MCPH1: variants seen among roughly 807,000 people sequenced by gnomAD.
The protein encoded by MCPH1 is microcephalin 1, also known as microcephalin.
In MCPH1, 104 loss-of-function variants were observed where a neutral mutation model predicts 84.5. That is an observed-to-expected ratio of 1.23 (90% CI 1.05 to 1.45). The LOEUF (loss-of-function observed/expected upper bound fraction) is 1.45. Ranked by LOEUF, MCPH1 falls within the 40% of genes most tolerant of loss-of-function variation. The probability of loss-of-function intolerance (pLI) is 0.00; values close to 1 mark genes in which losing one functional copy is unlikely to be tolerated. For synonymous variants in MCPH1, 514 were observed against 366.8 expected (o/e 1.40, Z -4.58); for missense variants, 1,498 against 1,005.7 (o/e 1.49, Z -6.62).
rs143476549 is a variant in MCPH1, at chr8:6,589,849, G to A, written c.2215-31605G>A. Among the ~76,000 whole-genome samples, 38 of 152,298 alleles carry A rather than the reference G, an allele frequency of 2.5e-4. 1 individual carries two copies. The highest frequency in any genetic ancestry group is 7.2e-4 in the African/African-American group (30 of 41,564). Reference sequence around the variant, plus strand: ...AATTGTCATAAAATTGATGAGATGCGAAGATACAGCAGAATATATCAGATA... The same window carrying A: ...AATTGTCATAAAATTGATGAGATGCAAAGATACAGCAGAATATATCAGATA... On this transcript the variant is annotated intron_variant, in intron 12 of 13. Transcript: ENST00000344683.
intron 12 of MCPH1, chr8:6,501,028 G>T (rs1216673124): frequency 6.6e-6 from 1 of 152,176 alleles, no homozygotes; most frequent in Non-Finnish European, 1.5e-5. Context: ...ATTTTCAGTT[G>T]TTTTTCAACT....
chr8:6,453,738 A>G (rs1344124543), intron 8 of MCPH1, among the ~76,000 whole-genome samples: 1 of 152,168 alleles, frequency 6.6e-6, no homozygotes, highest in Admixed American at 6.5e-5. Flanking sequence ...ACGATAGGAG[A>G]TTGCATTCAT....
chr8:6,623,013 C>CTTTTTTTTTT (rs1164226735), intron 13 of MCPH1, among the ~76,000 whole-genome samples: 49 of 109,886 alleles, frequency 4.5e-4, no homozygotes, highest in Non-Finnish European at 6.9e-4. Flanking sequence ...GCTTTACTTT[C>CTTTTTTTTTT]TTTTTTTTTT....
intron 9 of MCPH1, among the ~76,000 whole-genome samples, chr8:6,468,977 C>T (rs1338525043): frequency 1.3e-5 from 2 of 152,052 alleles, no homozygotes; most frequent in Non-Finnish European, 2.9e-5. Context: ...TCGCTTGAGG[C>T]CAGGAGTTCA....
Position 6,528,648 on chromosome 8 carries a change from C to G in MCPH1, c.2214+28719C>G, listed in dbSNP as rs141013359. 1.8e-3 allele frequency among the ~76,000 whole-genome samples: 274 copies of G among 152,378 alleles called. 6 individuals carry two copies. In the South Asian group the frequency reaches 0.031, roughly 17 times the overall value. ...GCAGTGCGGCTCTCCCGCGGATTCTCTAGCGCCTGGTTGCCCTTCAGCAGG... is the reference window on the plus strand; with the variant it reads ...GCAGTGCGGCTCTCCCGCGGATTCTGTAGCGCCTGGTTGCCCTTCAGCAGG... On this transcript the variant is annotated intron_variant, in intron 12 of 13. Coordinates refer to ENST00000344683, the MANE Select transcript of MCPH1 (RefSeq NM_024596.5).
chr8:6,468,329 C>G (rs1462470373), intron 9 of MCPH1, among the ~76,000 whole-genome samples: 1 of 152,178 alleles, frequency 6.6e-6, no homozygotes, highest in Non-Finnish European at 1.5e-5. Flanking sequence ...ATGCTGTCCT[C>G]CCACCTGCCC....
At chr8:6,583,413 G>A (rs1382418647) in intron 12 of MCPH1, among the ~76,000 whole-genome samples, 2 of 152,200 alleles carry the variant, frequency 1.3e-5, no homozygotes, top group African/African-American at 4.8e-5. Flanking sequence ...TGCGCTGCAA[G>A]GCACTGGCTG....
At chr8:6,626,193 C>T in intron 13 of MCPH1, 1 of 985,386 alleles carries the variant, frequency 1.0e-6, no homozygotes, top group Non-Finnish European at 1.2e-6. Context: ...GCCACCCCAG[C>T]TGCCCCACCT....
chr8:6,620,789 C>G (rs13256443), intron 12 of MCPH1, among the ~76,000 whole-genome samples: 7,221 of 152,212 alleles, frequency 0.047, 313 homozygotes, highest in East Asian at 0.25. Context: ...CAGATGACCA[C>G]ACATTGCCAG....
intron 9 of MCPH1, among the ~76,000 whole-genome samples, chr8:6,476,859 G>A (rs556194898): frequency 6.6e-6 from 1 of 152,138 alleles, no homozygotes; most frequent in Non-Finnish European, 1.5e-5. Context: ...ATATGTATAT[G>A]CATGCATACA....
At chr8:6,406,829 G>T in intron 1 of MCPH1, 140 bp downstream of exon 1, 1 of 719,516 alleles carries the variant, frequency 1.4e-6, no homozygotes, top group South Asian at 1.6e-5. Context: ...ACCCCCTGCC[G>T]CCTCCTTCCT....
intron 8 of MCPH1, chr8:6,445,762 T>A (rs766796334): frequency 1.3e-5 from 18 of 1,349,810 alleles, no homozygotes; most frequent in Non-Finnish European, 1.6e-5. Context: ...TTAAGTCTGT[T>A]AGGAATCTAT....
intron 12 of MCPH1, among the ~76,000 whole-genome samples, chr8:6,532,158 T>G (rs1819643805): frequency 6.6e-6 from 1 of 152,216 alleles, no homozygotes; most frequent in African/African-American, 2.4e-5. Context: ...ACAGATTTAC[T>G]GATTTTTAAT....
At chr8:6,474,241 T>C in intron 9 of MCPH1, 1 of 592,796 alleles carries the variant, frequency 1.7e-6, no homozygotes, top group Admixed American at 2.6e-5. Flanking sequence ...ACAATTGCTT[T>C]TCTCAAGCTA....
intron 12 of MCPH1, among the ~76,000 whole-genome samples, chr8:6,545,328 T>G (rs1822378408): frequency 6.6e-6 from 1 of 152,190 alleles, no homozygotes. Context: ...TTAGTATACT[T>G]TATCCATTTC....
At chr8:6,602,042 C>T (rs2442558) in intron 12 of MCPH1, among the ~76,000 whole-genome samples, 144,076 of 152,304 alleles carry the variant, frequency 0.95, 68,677 homozygotes, top group East Asian at 1. Flanking sequence ...TTTTTCATAG[C>T]TTTAAATCCA....
chr8:6,451,680 C>A (rs192327177), intron 8 of MCPH1, among the ~76,000 whole-genome samples: 1 of 151,794 alleles, frequency 6.6e-6, no homozygotes, highest in Admixed American at 6.5e-5. Context: ...TGCATATATA[C>A]CAAAGGTATC....
intron 9 of MCPH1, among the ~76,000 whole-genome samples, chr8:6,462,528 A>C (rs546998897): frequency 1.3e-5 from 2 of 152,278 alleles, no homozygotes; most frequent in South Asian, 2.1e-4. Context: ...ATTCTTCCAA[A>C]ACTTGAGAGA....
chr8:6,493,941 T>G (rs1466362647), intron 11 of MCPH1, among the ~76,000 whole-genome samples: 1 of 11,112 alleles, frequency 9.0e-5, no homozygotes, highest in Admixed American at 3.1e-3. Context: ...AAATAGTAAA[T>G]TTTTTTTTTT....
Sources: allele counts gnomAD v4.1 joint callset (sites outside exome capture counted in the v4.1 genomes callset), GRCh38; gene constraint gnomAD v4.1.1; transcripts MANE v1.5; gene names NCBI Gene and HGNC (gene_info 2026-07-23, HGNC 2026-07-21).